Variants in VPS13B observed in about 807,000 individuals in gnomAD.
VPS13B encodes vacuolar protein sorting 13 homolog B.
VPS13B carries 285 observed loss-of-function variants against 426.4 expected under a neutral mutation model. That is an observed-to-expected ratio of 0.67 (90% confidence interval 0.61 to 0.74). The LOEUF (loss-of-function observed/expected upper bound fraction) is 0.74, where lower values mean the gene tolerates loss of function less well. Ranked by LOEUF, VPS13B falls within the 30% of genes least tolerant of loss-of-function variation. VPS13B has a pLI of 0.00. For synonymous variants in VPS13B, 1,676 were observed against 1,676.4 expected (o/e 1.00, Z 0.01); for missense variants, 4,537 against 4,782.6 (o/e 0.95, Z 1.51).
At position 99,614,629 on chromosome 8, in the gene VPS13B, T is replaced by A. The variant is rs1182555578; in HGVS notation, c.5221-27182T>A. On this transcript the variant is annotated intron_variant, in intron 33 of 61. Transcript: ENST00000357162. ...TCAGTATAAGAAGGAAGTCTAGGAT[T>A]ATTTTAACCTGAGTATTTCATGGGA... Among the ~76,000 whole-genome samples the A allele has an allele frequency of 2.0e-5, 3 of 152,192 alleles. No individual in the cohort carries two copies. The East Asian group carries it at 5.8e-4, about 29-fold the overall frequency.
At chr8:99,853,368 T>G in intron 55 of VPS13B, 83 bp from the exon 56 acceptor site, 1 of 1,415,860 alleles carries the variant, frequency 7.1e-7, no homozygotes, top group Admixed American at 1.8e-5. Flanking sequence ...AGGTATTTAA[T>G]AGGGTACTGT....
chr8:99,188,416 ATTT>A (rs1268472328), intron 16 of VPS13B, among the ~76,000 whole-genome samples: 1 of 152,106 alleles, frequency 6.6e-6, no homozygotes, highest in East Asian at 1.9e-4. Flanking sequence ...TCAGTATTTA[ATTT>A]TTTATCACTG....
chr8:99,841,917 A>G lies in VPS13B; in HGVS notation c.9942+6179A>G, dbSNP rs1465233158. Among the ~76,000 whole-genome samples the G allele has an allele frequency of 2.0e-5, 3 of 152,228 alleles. No homozygotes were observed. In the East Asian group the frequency reaches 5.8e-4, roughly 29 times the overall value. On this transcript the variant is annotated intron_variant, in intron 54 of 61. Coordinates refer to ENST00000357162, the MANE Select transcript of VPS13B (RefSeq NM_152564.5). ...CTAACCCCCAAATGATTCCTAAGAC[A>G]CAGACTCCAGCCCAGAGAAGAGAAC...
chr8:99,335,167 G>A (rs1323789023), intron 19 of VPS13B, among the ~76,000 whole-genome samples: 2 of 152,184 alleles, frequency 1.3e-5, no homozygotes, highest in Non-Finnish European at 2.9e-5. Context: ...AGTATTCTCT[G>A]ATGATAGTTT....
intron 23 of VPS13B, among the ~76,000 whole-genome samples, chr8:99,462,978 A>G (rs1360591061): frequency 6.6e-6 from 1 of 152,198 alleles, no homozygotes; most frequent in Non-Finnish European, 1.5e-5. Flanking sequence ...CCACTAGTCT[A>G]TGGTATTGTG....
At chr8:99,166,485 T>C (rs548776444) in intron 15 of VPS13B, among the ~76,000 whole-genome samples, 5 of 152,320 alleles carry the variant, frequency 3.3e-5, no homozygotes, top group Admixed American at 2.6e-4. Context: ...TTTTGTTCTG[T>C]TTTCTTAGAG....
At chr8:99,233,154 G>C in intron 17 of VPS13B, 3 of 1,405,928 alleles carry the variant, frequency 2.1e-6, no homozygotes, top group South Asian at 2.3e-5. Flanking sequence ...GGCTAGCAAA[G>C]AAGTGCCCGA....
chr8:99,465,927 A>G (rs1023083451), intron 23 of VPS13B, among the ~76,000 whole-genome samples: 1 of 152,054 alleles, frequency 6.6e-6, no homozygotes, highest in African/African-American at 2.4e-5. Flanking sequence ...AAAGTTTCTA[A>G]TTTTATAATA....
At chr8:99,849,389 T>C (rs1412582172) in intron 55 of VPS13B, among the ~76,000 whole-genome samples, 1 of 152,146 alleles carries the variant, frequency 6.6e-6, no homozygotes, top group East Asian at 1.9e-4. Flanking sequence ...ATAGGAATAA[T>C]ATAAAGATGG....
chr8:99,744,581 C>A (rs1161988412), intron 39 of VPS13B, among the ~76,000 whole-genome samples: 2 of 152,054 alleles, frequency 1.3e-5, no homozygotes, highest in Non-Finnish European at 2.9e-5. Flanking sequence ...AGATGTCCAA[C>A]AATGATAGAC....
At chr8:99,545,009 G>A (rs1823891555) in intron 30 of VPS13B, among the ~76,000 whole-genome samples, 2 of 152,104 alleles carry the variant, frequency 1.3e-5, no homozygotes, top group Non-Finnish European at 2.9e-5. Flanking sequence ...CCATAATTCT[G>A]TTTGGCCTTT....
At chr8:99,192,412 TTAATA>T (rs1288204955) in intron 16 of VPS13B, among the ~76,000 whole-genome samples, 1 of 152,206 alleles carries the variant, frequency 6.6e-6, no homozygotes, top group Non-Finnish European at 1.5e-5. Context: ...ATTTCATACC[TTAATA>T]TATCGGTGTG....
chr8:99,510,948 C>T (rs1030609974), intron 28 of VPS13B, among the ~76,000 whole-genome samples, 156 bp from the exon 29 acceptor site: 1 of 152,102 alleles, frequency 6.6e-6, no homozygotes, highest in Non-Finnish European at 1.5e-5. Flanking sequence ...AAGCTTTTTG[C>T]CCACATCTGC....
chr8:99,360,101 C>T (rs1444050963), intron 19 of VPS13B, among the ~76,000 whole-genome samples: 2 of 73,940 alleles, frequency 2.7e-5, no homozygotes, highest in Non-Finnish European at 6.3e-5. Flanking sequence ...TGTGCCCAAC[C>T]TGTTTTTTTT....
chr8:99,587,710 T>G (rs1482991830), intron 33 of VPS13B, among the ~76,000 whole-genome samples: 1 of 151,810 alleles, frequency 6.6e-6, no homozygotes, highest in Non-Finnish European at 1.5e-5. Flanking sequence ...CTTTGTAGAT[T>G]TTGGATATTA....
At chr8:99,185,947 A>G (rs1336476020) in intron 16 of VPS13B, among the ~76,000 whole-genome samples, 1 of 152,146 alleles carries the variant, frequency 6.6e-6, no homozygotes, top group East Asian at 1.9e-4. Context: ...AGTCTTCGCT[A>G]CTATACAGTC....
At chr8:99,471,424 A>G (rs1028755591) in intron 24 of VPS13B, among the ~76,000 whole-genome samples, 6 of 152,148 alleles carry the variant, frequency 3.9e-5, no homozygotes, top group Admixed American at 2.0e-4. Context: ...TATCATATGA[A>G]GTGGTACAAT....
intron 23 of VPS13B, among the ~76,000 whole-genome samples, chr8:99,458,860 G>T (rs1251920369): frequency 1.3e-5 from 2 of 152,186 alleles, no homozygotes; most frequent in African/African-American, 2.4e-5. Flanking sequence ...TTTCTCCCAT[G>T]TTGTAGGTTG....
At chr8:99,862,508 A>T (rs538334703) in intron 58 of VPS13B, among the ~76,000 whole-genome samples, 3 of 152,362 alleles carry the variant, frequency 2.0e-5, no homozygotes, top group Admixed American at 6.5e-5. Flanking sequence ...AAAATATTAC[A>T]AATGTTTGAA....
Sources: gnomAD v4.1 joint callset for allele counts (sites outside exome capture counted in the v4.1 genomes callset) on GRCh38, gnomAD v4.1.1 for gene constraint, MANE v1.5 for transcripts, NCBI Gene and HGNC (gene_info 2026-07-23, HGNC 2026-07-21) for gene names.